The following PDE4D variants were observed in gnomAD, a reference collection of about 807,000 sequenced individuals.
The protein encoded by PDE4D is 3',5'-cyclic-AMP phosphodiesterase 4D.
In PDE4D, 24 loss-of-function variants were observed where a neutral mutation model predicts 87.4. The ratio of observed to expected loss-of-function variants is 0.27; its 90% CI spans 0.20 to 0.39. PDE4D has a LOEUF of 0.39. Among genes scored for constraint, PDE4D ranks in the 10% least tolerant of loss-of-function variants. The probability of loss-of-function intolerance (pLI) is 1.00; values close to 1 mark genes in which losing one functional copy is unlikely to be tolerated. For synonymous variants in PDE4D, 384 were observed against 383.2 expected (o/e 1.00, Z -0.02); for missense variants, 714 against 1,041.0 (o/e 0.69, Z 4.32).
At chr5:60,430,786 C>T (rs1289444029) in intron 1 of PDE4D, 9 of 282,710 alleles carry the variant, frequency 3.2e-5, no homozygotes, top group Middle Eastern at 1.4e-3. Flanking sequence ...TAACAAAGCA[C>T]ATCTTGCACC....
chr5:59,161,871 C>T (rs193139418), intron 5 of PDE4D, among the ~76,000 whole-genome samples: 23 of 152,202 alleles, frequency 1.5e-4, no homozygotes, highest in African/African-American at 4.8e-4. Flanking sequence ...TTCAGAGGTG[C>T]GGTTTGATGA....
intron 1 of PDE4D, among the ~76,000 whole-genome samples, chr5:59,404,051 C>T (rs1237223248): frequency 1.3e-5 from 2 of 152,174 alleles, no homozygotes; most frequent in East Asian, 3.8e-4. Context: ...TCCCTGATGA[C>T]CAATGACATT....
At chr5:60,465,919 G>A (rs1431952250) in intron 1 of PDE4D, among the ~76,000 whole-genome samples, 1 of 150,776 alleles carries the variant, frequency 6.6e-6, no homozygotes, top group Non-Finnish European at 1.5e-5. Flanking sequence ...AAAATCAACT[G>A]CACCGAACAA....
intron 2 of PDE4D, among the ~76,000 whole-genome samples, chr5:60,180,747 C>T (rs1281732386): frequency 1.3e-5 from 2 of 152,104 alleles, no homozygotes; most frequent in Non-Finnish European, 2.9e-5. Context: ...AAAACTACAA[C>T]TTCTCATATC....
At chr5:59,398,948 G>C (rs1790038294) in intron 1 of PDE4D, among the ~76,000 whole-genome samples, 1 of 118,414 alleles carries the variant, frequency 8.4e-6, no homozygotes, top group African/African-American at 3.5e-5. Flanking sequence ...CAGACAAACA[G>C]AGAGCCAAAT....
chr5:60,041,598 T>C (rs958517971), intron 2 of PDE4D, among the ~76,000 whole-genome samples: 1 of 152,132 alleles, frequency 6.6e-6, no homozygotes, highest in Non-Finnish European at 1.5e-5. Flanking sequence ...CTAACGGAGA[T>C]ACCCAGCTCA....
intron 5 of PDE4D, among the ~76,000 whole-genome samples, chr5:59,099,989 A>G (rs1380896260): frequency 6.6e-6 from 1 of 152,174 alleles, no homozygotes; most frequent in Admixed American, 6.5e-5. Context: ...GGGCAGGGCC[A>G]ATACTTTCTT....
intron 2 of PDE4D, among the ~76,000 whole-genome samples, chr5:60,039,436 G>A (rs1315739687): frequency 1.3e-5 from 2 of 150,706 alleles, no homozygotes; most frequent in Non-Finnish European, 3.0e-5. Flanking sequence ...GGACTGTTGT[G>A]GGGTGGTGGG....
At chr5:59,846,180 T>A (rs2152712611) in intron 1 of PDE4D, among the ~76,000 whole-genome samples, 1 of 152,152 alleles carries the variant, frequency 6.6e-6, no homozygotes, top group Admixed American at 6.5e-5. Context: ...AAACTGCCTG[T>A]TTATTTACCT....
At chr5:59,957,544 G>A (rs376874442) in intron 3 of PDE4D, among the ~76,000 whole-genome samples, 8 of 152,080 alleles carry the variant, frequency 5.3e-5, no homozygotes, top group African/African-American at 1.9e-4. Flanking sequence ...ACATGAATGG[G>A]AGTGGCTGTT....
intron 2 of PDE4D, among the ~76,000 whole-genome samples, chr5:60,041,080 T>C (rs1220303241): frequency 2.0e-5 from 3 of 152,332 alleles, no homozygotes; most frequent in South Asian, 4.1e-4. Context: ...ATAGTTCTTA[T>C]AAAAAATTTC....
chr5:59,000,324 G>T (rs780334502), intron 6 of PDE4D, among the ~76,000 whole-genome samples: 1 of 152,104 alleles, frequency 6.6e-6, no homozygotes, highest in Non-Finnish European at 1.5e-5. Context: ...AATGGCAATC[G>T]AGCATTTTAA....
chr5:59,630,431 C>A (rs1349821672), intron 1 of PDE4D, among the ~76,000 whole-genome samples: 1 of 152,142 alleles, frequency 6.6e-6, no homozygotes, highest in Non-Finnish European at 1.5e-5. Context: ...TAGACCCTCA[C>A]CTTCATCAAA....
intron 3 of PDE4D, 99 bp from the exon 4 acceptor site, chr5:59,185,361 T>C: frequency 1.3e-6 from 1 of 798,584 alleles, no homozygotes; most frequent in South Asian, 1.7e-5. Context: ...TGCTTGCAAC[T>C]TAGTTTCATA....
chr5:59,420,988 C>T lies in PDE4D; in HGVS notation c.456-205020G>A, dbSNP rs865846850. 3.9e-5 allele frequency among the ~76,000 whole-genome samples: 6 copies of T among 152,152 alleles called. No homozygotes were observed. The South Asian group carries it at 6.2e-4, about 16-fold the overall frequency. On this transcript the variant is annotated intron_variant, in intron 1 of 14. Coordinates refer to ENST00000340635, the MANE Select transcript of PDE4D (RefSeq NM_001104631.2). Reference sequence around the variant, plus strand: ...CAACTGACTTTGAGACCTCCGTACGCGTATGTGTTTGTGTATTTCTAACTT... The same window carrying T: ...CAACTGACTTTGAGACCTCCGTACGTGTATGTGTTTGTGTATTTCTAACTT...
chr5:60,092,050 C>CAAAAAAAAAAAA (rs66814905), intron 2 of PDE4D, among the ~76,000 whole-genome samples: 1 of 55,992 alleles, frequency 1.8e-5, no homozygotes, highest in African/African-American at 8.0e-5. Flanking sequence ...AACTCCGTCT[C>CAAAAAAAAAAAA]AAAAAAAAAA....
At chr5:60,194,054 C>T (rs1355952414) in intron 1 of PDE4D, among the ~76,000 whole-genome samples, 1 of 151,556 alleles carries the variant, frequency 6.6e-6, no homozygotes, top group African/African-American at 2.4e-5. Context: ...TTGAGTCTCT[C>T]CTCTTGTAAA....
intron 1 of PDE4D, among the ~76,000 whole-genome samples, chr5:59,481,796 A>C (rs985792742): frequency 6.6e-6 from 1 of 151,954 alleles, no homozygotes; most frequent in African/African-American, 2.4e-5. Context: ...TTCCCCTATA[A>C]AATTTTTCAG....
chr5:60,342,878 A>T (rs1259286322), intron 1 of PDE4D, among the ~76,000 whole-genome samples: 1 of 152,164 alleles, frequency 6.6e-6, no homozygotes, highest in Non-Finnish European at 1.5e-5. Flanking sequence ...TCTGGATGGA[A>T]TTTTTTAATT....
Sources: allele counts gnomAD v4.1 joint callset (sites outside exome capture counted in the v4.1 genomes callset), GRCh38; gene constraint gnomAD v4.1.1; transcripts MANE v1.5; gene names NCBI Gene and HGNC (gene_info 2026-07-23, HGNC 2026-07-21).